The following DLC1 variants were observed in gnomAD, a reference collection of about 807,000 sequenced individuals.
DLC1 encodes the protein DLC1 Rho GTPase activating protein.
Under a neutral mutation model 140.3 loss-of-function variants are expected in DLC1, and 54 were observed. The ratio of observed to expected loss-of-function variants is 0.38; its 90% CI spans 0.31 to 0.48. The LOEUF (loss-of-function observed/expected upper bound fraction) is 0.48. DLC1 is among the 20% of genes least tolerant of loss of function. DLC1 has a pLI of 0.96. For synonymous variants in DLC1, 986 were observed against 728.1 expected (o/e 1.35, Z -5.70); for missense variants, 2,536 against 1,907.0 (o/e 1.33, Z -6.14).
chr8:13,378,347 A>G lies in DLC1; in HGVS notation c.1314+15206T>C, dbSNP rs528781997. ...GTTATCTAAATGCGATAGAATTTTA[A>G]GTTAGTGATGTATTAATTCTCTGTA... On this transcript the variant is annotated intron_variant, in intron 4 of 17. Coordinates refer to ENST00000276297, the MANE Select transcript of DLC1 (RefSeq NM_182643.3). 2.9e-4 allele frequency among the ~76,000 whole-genome samples: 44 copies of G among 151,838 alleles called. No homozygotes were observed. The South Asian group carries it at 8.3e-3, about 29-fold the overall frequency.
At chr8:13,413,759 C>G (rs895144823) in intron 2 of DLC1, among the ~76,000 whole-genome samples, 1 of 152,140 alleles carries the variant, frequency 6.6e-6, no homozygotes, top group Admixed American at 6.5e-5. Context: ...AAGGTACTTG[C>G]TTCTCCTTAG....
intron 1 of DLC1, among the ~76,000 whole-genome samples, chr8:13,577,603 A>G (rs1804889147): frequency 6.6e-6 from 1 of 152,194 alleles, no homozygotes; most frequent in South Asian, 2.1e-4. Flanking sequence ...TTAATTTAGA[A>G]CCTACATTGT....
At chr8:13,434,394 C>T (rs1363611436) in intron 2 of DLC1, among the ~76,000 whole-genome samples, 2 of 152,132 alleles carry the variant, frequency 1.3e-5, no homozygotes, top group African/African-American at 4.8e-5. Context: ...TGAGTTTCTC[C>T]ATTTCAATTC....
chr8:13,154,321 G>A (rs1013346628), intron 5 of DLC1, among the ~76,000 whole-genome samples: 5 of 152,218 alleles, frequency 3.3e-5, no homozygotes, highest in African/African-American at 9.6e-5. Flanking sequence ...ATGGCCGGCT[G>A]CAGGTCGGGA....
intron 2 of DLC1, among the ~76,000 whole-genome samples, chr8:13,481,864 A>C (rs188500503): frequency 3.8e-4 from 58 of 152,292 alleles, no homozygotes; most frequent in African/African-American, 1.2e-3. Context: ...AAAAAGGGGG[A>C]AATATGGACA....
chr8:13,158,726 A>T (rs895133189), intron 5 of DLC1, among the ~76,000 whole-genome samples: 2 of 17,068 alleles, frequency 1.2e-4, no homozygotes, highest in East Asian at 1.9e-3. Context: ...GTTCACAACC[A>T]CCACCCTCCC....
chr8:13,552,233 A>G (rs958992163), intron 1 of DLC1, among the ~76,000 whole-genome samples: 1 of 146,744 alleles, frequency 6.8e-6, no homozygotes, highest in Non-Finnish European at 1.5e-5. Context: ...ACAGATATAT[A>G]TATATATACC....
At chr8:13,571,758 T>G (rs572706427) in intron 1 of DLC1, among the ~76,000 whole-genome samples, 12 of 152,354 alleles carry the variant, frequency 7.9e-5, no homozygotes, top group African/African-American at 2.4e-4. Flanking sequence ...GGTAATTCTA[T>G]GTTTAGCTTT....
chr8:13,571,450 G>C (rs1434353244), intron 1 of DLC1, among the ~76,000 whole-genome samples: 1 of 152,182 alleles, frequency 6.6e-6, no homozygotes, highest in African/African-American at 2.4e-5. Flanking sequence ...CTTCATATCA[G>C]TGCAATCATG....
At position 13,305,396 on chromosome 8, in the gene DLC1, A is replaced by C; in HGVS notation, c.1315-94T>G. 4.6e-6 allele frequency: 6 copies of C among 1,299,626 alleles called. No individual in the cohort carries two copies. The South Asian group carries it at 9.4e-5, about 20-fold the overall frequency. The allele number at this position is 1,299,626 out of a possible 1,614,324, so 80.5% of individuals were successfully genotyped here. A position where few individuals can be genotyped will look rare whatever the true frequency, so the allele number is the denominator to read the frequency against. The stretch of plus-strand genomic sequence containing the variant: ...AACGAAGTGTAATTAATGACGCAAA[A>C]ATTAAATAGAGAATGCCAATAGAAA... On this transcript the variant is annotated intron_variant, in intron 4 of 17. Transcript: ENST00000276297.
Position 13,094,973 on chromosome 8 carries a change from C to A in DLC1, c.3328-16G>T. The A allele has an allele frequency of 2.5e-6, 4 of 1,614,100 alleles. No individual in the cohort carries two copies. In the South Asian group the frequency reaches 4.4e-5, roughly 18 times the overall value. On this transcript the variant is annotated splice_polypyrimidine_tract_variant and intron_variant, in intron 11 of 17. Coordinates refer to ENST00000276297, the MANE Select transcript of DLC1 (RefSeq NM_182643.3). Reference sequence around the variant, plus strand: ...AGAGCCCAACCTGTCGGAAGAGCAACACTAAGTGTGGGGTACATTCACGTG... The same window carrying A: ...AGAGCCCAACCTGTCGGAAGAGCAAAACTAAGTGTGGGGTACATTCACGTG...
chr8:13,210,804 G>A lies in DLC1; in HGVS notation c.1348+94465C>T, dbSNP rs189336454. 2.5e-3 allele frequency among the ~76,000 whole-genome samples: 377 copies of A among 152,214 alleles called. 3 individuals carry two copies. The highest frequency in any genetic ancestry group is 8.9e-3 in the African/African-American group (371 of 41,548). On this transcript the variant is annotated intron_variant, in intron 5 of 17. Coordinates refer to ENST00000276297, the MANE Select transcript of DLC1 (RefSeq NM_182643.3). The stretch of plus-strand genomic sequence containing the variant: ...ATTTAGCCCTTATTATCTTCAGAAT[G>A]AAAACCAAATACAGCATTTGCTATT...
chr8:13,336,439 CAAAG>C (rs1186759412), intron 4 of DLC1, among the ~76,000 whole-genome samples: 1 of 152,110 alleles, frequency 6.6e-6, no homozygotes, highest in African/African-American at 2.4e-5. Context: ...ACTCTCAAAA[CAAAG>C]AAGTATTATT....
chr8:13,448,345 T>TTTCTTCTTC (rs146892447), intron 2 of DLC1, among the ~76,000 whole-genome samples: 18 of 146,876 alleles, frequency 1.2e-4, no homozygotes, highest in African/African-American at 3.6e-4. Context: ...TCTTTTAAAA[T>TTTCTTCTTC]TTCTTCTTCT....
chr8:13,087,827 C>A (rs1466419827), intron 16 of DLC1, among the ~76,000 whole-genome samples: 1 of 152,196 alleles, frequency 6.6e-6, no homozygotes, highest in Non-Finnish European at 1.5e-5. Flanking sequence ...ATACATCAGC[C>A]TTAACCACAT....
rs567950648 is a variant in DLC1, at chr8:13,540,350, G to A, written c.-125-40154C>T. Among the ~76,000 whole-genome samples the A allele has an allele frequency of 3.0e-4, 46 of 152,236 alleles. 1 individual carries two copies. Among genetic ancestry groups the A allele is most frequent in the African/African-American group, 9.4e-4 (39 of 41,536 alleles). On this transcript the variant is annotated intron_variant, in intron 1 of 1. Coordinates refer to the DLC1 transcript ENST00000631382. ...AAATGGGCTTAAATTTAAACTAACC[G>A]TTCATATTTTCTATCCCACAGTAAA...
At chr8:13,280,258 A>C in intron 5 of DLC1, among the ~76,000 whole-genome samples, 1 of 141,892 alleles carries the variant, frequency 7.0e-6, no homozygotes, top group Non-Finnish European at 1.5e-5. Flanking sequence ...ACTGCACTCC[A>C]GCCTGGGCAA....
At position 13,097,273 on chromosome 8, in the gene DLC1, A is replaced by ATTATTCTTATTTT. The variant is rs1377225334; in HGVS notation, c.3167+1125_3167+1126insAAAATAAGAATAA. On this transcript the variant is annotated intron_variant, in intron 10 of 17. Coordinates refer to ENST00000276297, the MANE Select transcript of DLC1 (RefSeq NM_182643.3). ...ATTTATTATTATTATTATTATTATTATTTTTTGAGATAGAGTCTTACTCTG... is the reference window on the plus strand; with the variant it reads ...ATTTATTATTATTATTATTATTATTATTATTCTTATTTTTTTTTTGAGATAGAGTCTTACTCTG... Among the ~76,000 whole-genome samples the ATTATTCTTATTTT allele has an allele frequency of 2.1e-3, 322 of 150,940 alleles. 1 individual carries two copies. The highest frequency in any genetic ancestry group is 7.6e-3 in the African/African-American group (312 of 41,196).
At position 13,183,967 on chromosome 8, in the gene DLC1, C is replaced by G. The variant is rs570594637; in HGVS notation, c.1349-68310G>C. Among the ~76,000 whole-genome samples the G allele has an allele frequency of 1.3e-3, 196 of 152,238 alleles. 2 individuals are homozygous for G. Among genetic ancestry groups the G allele is most frequent in the African/African-American group, 4.3e-3 (178 of 41,538 alleles). On this transcript the variant is annotated intron_variant, in intron 5 of 17. Transcript: ENST00000276297. Reference sequence around the variant, plus strand: ...TCCTGGACTTTTTTTGGAAAGTAGGCTATTAATTATTGCCTCAATTTCAGA... The same window carrying G: ...TCCTGGACTTTTTTTGGAAAGTAGGGTATTAATTATTGCCTCAATTTCAGA...
Sources: gnomAD v4.1 joint callset for allele counts (sites outside exome capture counted in the v4.1 genomes callset) on GRCh38, gnomAD v4.1.1 for gene constraint, MANE v1.5 for transcripts, NCBI Gene and HGNC (gene_info 2026-07-23, HGNC 2026-07-21) for gene names.